PLCB1: variants seen among roughly 807,000 people sequenced by gnomAD.
PLCB1 encodes the protein 1-phosphatidylinositol 4,5-bisphosphate phosphodiesterase beta-1.
In PLCB1, 46 loss-of-function variants were observed where a neutral mutation model predicts 161.8. The observed-to-expected ratio is 0.28, with a 90% CI of 0.22 to 0.36. PLCB1 has a LOEUF of 0.36. Ranked by LOEUF, PLCB1 falls within the 10% of genes least tolerant of loss-of-function variation. The probability of loss-of-function intolerance (pLI) is 1.00; values close to 1 mark genes in which losing one functional copy is unlikely to be tolerated. For synonymous variants in PLCB1, 517 were observed against 503.7 expected (o/e 1.03, Z -0.35); for missense variants, 1,016 against 1,472.5 (o/e 0.69, Z 5.07).
At chr20:8,411,096 A>G (rs1979023979) in intron 3 of PLCB1, among the ~76,000 whole-genome samples, 1 of 152,250 alleles carries the variant, frequency 6.6e-6, no homozygotes, top group Non-Finnish European at 1.5e-5. Context: ...TCAGGAATCT[A>G]ATACATTGAA....
chr20:8,589,863 C>T (rs1314102121), intron 3 of PLCB1, among the ~76,000 whole-genome samples: 1 of 149,824 alleles, frequency 6.7e-6, no homozygotes, highest in Non-Finnish European at 1.5e-5. Context: ...AAGTGATCCT[C>T]CCACCTCAGC....
intron 3 of PLCB1, among the ~76,000 whole-genome samples, chr20:8,432,453 C>CCCA (rs1980091611): frequency 6.6e-6 from 1 of 152,154 alleles, no homozygotes; most frequent in South Asian, 2.1e-4. Flanking sequence ...CTATCCGAGC[C>CCCA]CCACCCTTAT....
chr20:8,539,632 CTTT>C (rs1985204461), intron 3 of PLCB1, among the ~76,000 whole-genome samples: 1 of 72,342 alleles, frequency 1.4e-5, no homozygotes, highest in South Asian at 6.1e-4. Flanking sequence ...TTCTTTCTTT[CTTT>C]CTTTCTTTCT....
chr20:8,355,831 G>A (rs1986347508), intron 2 of PLCB1, among the ~76,000 whole-genome samples: 1 of 152,068 alleles, frequency 6.6e-6, no homozygotes, highest in South Asian at 2.1e-4. Flanking sequence ...ACCTTAAATG[G>A]TTTAATAATA....
intron 3 of PLCB1, among the ~76,000 whole-genome samples, chr20:8,568,040 AAC>A (rs1272643103): frequency 1.3e-5 from 2 of 152,202 alleles, no homozygotes; most frequent in African/African-American, 4.8e-5. Context: ...TTGTCTTAGC[AAC>A]ACATTTTTCT....
intron 3 of PLCB1, among the ~76,000 whole-genome samples, chr20:8,537,991 A>G (rs1985120946): frequency 6.6e-6 from 1 of 152,196 alleles, no homozygotes; most frequent in African/African-American, 2.4e-5. Flanking sequence ...AACGGAACTC[A>G]CTAGAGGCCA....
intron 3 of PLCB1, among the ~76,000 whole-genome samples, chr20:8,405,299 C>T (rs973253283): frequency 1.3e-5 from 2 of 152,086 alleles, no homozygotes; most frequent in African/African-American, 4.8e-5. Flanking sequence ...GTGTTTTGTT[C>T]AGCTCTCCCT....
At position 8,179,846 on chromosome 20, in the gene PLCB1, C is replaced by CTTTT. The variant is rs35174594; in HGVS notation, c.177+29502_177+29505dup. On this transcript the variant is annotated intron_variant, in intron 2 of 31. Transcript: ENST00000338037. ...CCTTCAATGCCTAGTTTGTTGAGGG[C>CTTTT]TTTTTTTTTTTTTTTTTTTTTTTTT... Among the ~76,000 whole-genome samples the CTTTT allele has an allele frequency of 3.4e-3, 242 of 71,418 alleles. 33 individuals carry two copies. The highest frequency in any genetic ancestry group is 9.9e-3 in the African/African-American group (182 of 18,414). 46.9% of individuals were successfully genotyped at this position (71,418 alleles called of 152,430 possible). A position where few individuals can be genotyped will look rare whatever the true frequency, so the allele number is the denominator to read the frequency against.
chr20:8,180,155 G>A (rs1286954635), intron 2 of PLCB1, among the ~76,000 whole-genome samples: 5 of 152,160 alleles, frequency 3.3e-5, no homozygotes, highest in Admixed American at 6.5e-5. Context: ...ACCGCGCCCG[G>A]CCTGTTGAGG....
intron 4 of PLCB1, among the ~76,000 whole-genome samples, chr20:8,638,902 C>T (rs1480490284): frequency 2.6e-5 from 4 of 151,176 alleles, no homozygotes; most frequent in African/African-American, 9.7e-5. Flanking sequence ...CCTGGAGTAA[C>T]AGAAAACCAA....
At chr20:8,657,323 G>C in intron 8 of PLCB1, 39 bp downstream of exon 8, 1 of 1,210,276 alleles carries the variant, frequency 8.3e-7, no homozygotes, top group East Asian at 2.3e-5. Context: ...TTTTCAGCTT[G>C]CATTGATTCT....
intron 1 of PLCB1, among the ~76,000 whole-genome samples, chr20:8,145,864 A>G (rs779683269): frequency 6.6e-6 from 1 of 152,214 alleles, no homozygotes; most frequent in Non-Finnish European, 1.5e-5. Context: ...AATGTCAGAA[A>G]TCATTAGTGA....
At chr20:8,170,755 A>G (rs115906571) in intron 2 of PLCB1, among the ~76,000 whole-genome samples, 404 of 152,316 alleles carry the variant, frequency 2.7e-3, no homozygotes, top group African/African-American at 9.1e-3. Context: ...CCCTGAATCT[A>G]TGAGGCTGAG....
chr20:8,473,057 A>C (rs1256733081), intron 3 of PLCB1, among the ~76,000 whole-genome samples: 1 of 152,120 alleles, frequency 6.6e-6, no homozygotes, highest in Non-Finnish European at 1.5e-5. Context: ...TCACCAGTGG[A>C]AGGTTTCTGT....
chr20:8,828,049 A>C (rs1238017744), intron 31 of PLCB1, among the ~76,000 whole-genome samples: 1 of 152,222 alleles, frequency 6.6e-6, no homozygotes, highest in Admixed American at 6.5e-5. Flanking sequence ...CCGTCATAAA[A>C]AATATTCTGT....
chr20:8,430,619 G>A (rs1035145584), intron 3 of PLCB1, among the ~76,000 whole-genome samples: 1 of 152,196 alleles, frequency 6.6e-6, no homozygotes, highest in African/African-American at 2.4e-5. Context: ...AACTGCAGCA[G>A]TGCTGATTAT....
intron 3 of PLCB1, among the ~76,000 whole-genome samples, chr20:8,591,920 T>C (rs1465444618): frequency 6.6e-6 from 1 of 152,162 alleles, no homozygotes; most frequent in African/African-American, 2.4e-5. Context: ...ACCAGAAGTG[T>C]TTTGAATTTC....
chr20:8,579,295 C>T (rs763111487), intron 3 of PLCB1, among the ~76,000 whole-genome samples: 17 of 152,192 alleles, frequency 1.1e-4, no homozygotes, highest in Admixed American at 1.0e-3. Flanking sequence ...CCAGGCTATC[C>T]GGCCAGAGGA....
At position 8,710,767 on chromosome 20, in the gene PLCB1, G is replaced by A. The variant is rs555867088; in HGVS notation, c.1250+2015G>A. Among the ~76,000 whole-genome samples the A allele has an allele frequency of 3.3e-5, 5 of 152,034 alleles. No individual in the cohort carries two copies. In the East Asian group the frequency reaches 7.7e-4, roughly 24 times the overall value. ...GACCTCAGGTGATCCGCCCACCTCG[G>A]CCTCCCAAAGTGCTGGGATTGGCAT... On this transcript the variant is annotated intron_variant, in intron 12 of 31. Transcript: ENST00000338037.
Sources: allele counts gnomAD v4.1 joint callset (sites outside exome capture counted in the v4.1 genomes callset), GRCh38; gene constraint gnomAD v4.1.1; transcripts MANE v1.5; gene names NCBI Gene and HGNC (gene_info 2026-07-23, HGNC 2026-07-21).